Variants in SORCS1 observed in about 807,000 individuals in gnomAD.
SORCS1 encodes the protein VPS10 domain-containing receptor SorCS1.
SORCS1 carries 60 observed loss-of-function variants against 146.1 expected under a neutral mutation model. The observed-to-expected ratio is 0.41, with a 90% confidence interval of 0.33 to 0.51. The LOEUF (loss-of-function observed/expected upper bound fraction) is 0.51, where lower values mean the gene tolerates loss of function less well. Among genes scored for constraint, SORCS1 ranks in the 20% least tolerant of loss-of-function variants. SORCS1 has a pLI of 0.21. For synonymous variants in SORCS1, 637 were observed against 584.0 expected (o/e 1.09, Z -1.31); for missense variants, 1,352 against 1,487.6 (o/e 0.91, Z 1.50).
chr10:106,826,545 T>C (rs1020857797), intron 3 of SORCS1, among the ~76,000 whole-genome samples: 2 of 152,228 alleles, frequency 1.3e-5, no homozygotes, highest in Non-Finnish European at 2.9e-5. Flanking sequence ...GTTGTGCAAG[T>C]ACTATCTCTT....
chr10:106,983,277 T>C (rs1230849917), intron 1 of SORCS1, among the ~76,000 whole-genome samples: 2 of 148,970 alleles, frequency 1.3e-5, no homozygotes, highest in East Asian at 3.9e-4. Context: ...AATATACATA[T>C]ACATATTTCT....
intron 1 of SORCS1, among the ~76,000 whole-genome samples, chr10:106,959,195 C>G (rs1455725471): frequency 6.6e-6 from 1 of 152,144 alleles, no homozygotes; most frequent in Non-Finnish European, 1.5e-5. Flanking sequence ...CTCCCTGCCT[C>G]TTCTTGCAGG....
At chr10:106,922,858 T>C (rs1056099334) in intron 2 of SORCS1, among the ~76,000 whole-genome samples, 2 of 151,756 alleles carry the variant, frequency 1.3e-5, no homozygotes, top group Non-Finnish European at 2.9e-5. Context: ...CATCCCTCCC[T>C]TCCTGCAACC....
At chr10:106,957,358 G>C (rs984334037) in intron 1 of SORCS1, among the ~76,000 whole-genome samples, 3 of 151,834 alleles carry the variant, frequency 2.0e-5, no homozygotes, top group African/African-American at 7.3e-5. Context: ...CATTTTTAGA[G>C]ATGGGGTTTC....
At chr10:106,936,545 C>T (rs1414165825) in intron 2 of SORCS1, among the ~76,000 whole-genome samples, 1 of 152,186 alleles carries the variant, frequency 6.6e-6, no homozygotes, top group Non-Finnish European at 1.5e-5. Context: ...TCCTACTATT[C>T]ATCTGGAGCT....
At chr10:106,645,287 G>A (rs1014639767) in intron 18 of SORCS1, among the ~76,000 whole-genome samples, 9 of 151,760 alleles carry the variant, frequency 5.9e-5, no homozygotes, top group Admixed American at 5.9e-4. Context: ...TCCTGCCTCA[G>A]CTTCCCAAGT....
At chr10:106,937,378 A>C (rs1013883669) in intron 2 of SORCS1, among the ~76,000 whole-genome samples, 3 of 149,742 alleles carry the variant, frequency 2.0e-5, no homozygotes, top group Non-Finnish European at 4.4e-5. Context: ...GGGTTTCACC[A>C]TGTTGGCTAG....
At chr10:107,127,160 G>A (rs575780186) in intron 1 of SORCS1, among the ~76,000 whole-genome samples, 1 of 152,118 alleles carries the variant, frequency 6.6e-6, no homozygotes, top group Non-Finnish European at 1.5e-5. Context: ...TTTCAAGGAG[G>A]TTTGCTGATA....
chr10:106,791,677 G>A (rs898917139), intron 3 of SORCS1, among the ~76,000 whole-genome samples: 17 of 152,094 alleles, frequency 1.1e-4, no homozygotes, highest in African/African-American at 3.1e-4. Flanking sequence ...CCAGCCTGGC[G>A]ACAGAGCAAG....
At chr10:107,159,020 A>AG (rs1035932781) in intron 1 of SORCS1, among the ~76,000 whole-genome samples, 5 of 130,084 alleles carry the variant, frequency 3.8e-5, no homozygotes, top group East Asian at 2.6e-4. Flanking sequence ...TTGGGGGGGA[A>AG]GGGGGGTCCA....
At chr10:107,028,750 C>T (rs1179074268) in intron 1 of SORCS1, among the ~76,000 whole-genome samples, 1 of 152,140 alleles carries the variant, frequency 6.6e-6, no homozygotes, top group Non-Finnish European at 1.5e-5. Flanking sequence ...TGCTGGTGTA[C>T]CCCAAGGTTT....
At position 106,675,172 on chromosome 10, in the gene SORCS1, A is replaced by G. The variant is rs377757799; in HGVS notation, c.1833-16T>C. 5.7e-6 allele frequency: 9 copies of G among 1,581,010 alleles called. No individual in the cohort carries two copies. Among genetic ancestry groups the G allele is most frequent in the Non-Finnish European group, 7.8e-6 (9 of 1,151,148 alleles). On this transcript the variant is annotated splice_polypyrimidine_tract_variant and intron_variant, in intron 13 of 25. Transcript: ENST00000263054. ...AAAACTCAACCTAATGATATAAAAAATATCAGTCATCAGATCTCCAAAGGA... is the reference window on the plus strand; with the variant it reads ...AAAACTCAACCTAATGATATAAAAAGTATCAGTCATCAGATCTCCAAAGGA...
chr10:106,943,582 C>T (rs1044142927), intron 2 of SORCS1, among the ~76,000 whole-genome samples: 6 of 151,780 alleles, frequency 4.0e-5, no homozygotes, highest in East Asian at 1.9e-4. Flanking sequence ...CCGAGGTGGC[C>T]GGATCATGAG....
intron 1 of SORCS1, among the ~76,000 whole-genome samples, chr10:107,071,335 G>C (rs538222148): frequency 1.3e-5 from 2 of 151,570 alleles, no homozygotes; most frequent in African/African-American, 4.9e-5. Flanking sequence ...AAGCTTTTAC[G>C]GGCCAGGGCT....
chr10:106,675,965 T>A (rs1851994143), intron 13 of SORCS1, among the ~76,000 whole-genome samples: 1 of 152,176 alleles, frequency 6.6e-6, no homozygotes, highest in South Asian at 2.1e-4. Flanking sequence ...ATACTGGACA[T>A]CTCAACCTCC....
Position 107,016,511 on chromosome 10 carries a change from G to GA in SORCS1, c.559-59932dup, listed in dbSNP as rs200071132. ...CAGAACAAGACTCTGTCTCAAAAAA[G>GA]AAAAAAAAAATCAATTATAGGTCGA... is the stretch of plus-strand genomic sequence containing the variant. On this transcript the variant is annotated intron_variant, in intron 1 of 25. Transcript: ENST00000263054. Among the ~76,000 whole-genome samples, 1,229 of 147,508 alleles carry GA rather than the reference G, an allele frequency of 8.3e-3. 25 individuals carry two copies. The highest frequency in any genetic ancestry group is 0.028 in the African/African-American group (1,137 of 40,220).
upstream of SORCS1, among the ~76,000 whole-genome samples, chr10:107,165,441 C>T (rs1417974730): frequency 6.6e-6 from 1 of 152,028 alleles, no homozygotes; most frequent in African/African-American, 2.4e-5. This position sits in a 1 kb window ranked among gnomAD's most constrained non-coding sequence, Gnocchi z 4.0. Flanking sequence ...TAAGAAAACG[C>T]TTTCCACTAC....
At chr10:106,808,004 A>G (rs1291525688) in intron 3 of SORCS1, among the ~76,000 whole-genome samples, 2 of 152,152 alleles carry the variant, frequency 1.3e-5, no homozygotes, top group Non-Finnish European at 2.9e-5. Flanking sequence ...TCTACATGGT[A>G]TTAGTGACTC....
chr10:106,789,610 T>C (rs1946218714), intron 3 of SORCS1, among the ~76,000 whole-genome samples: 1 of 152,206 alleles, frequency 6.6e-6, no homozygotes, highest in South Asian at 2.1e-4. Flanking sequence ...CACCTCAGCC[T>C]GGACTTCACT....
Sources: gnomAD v4.1 joint callset for allele counts (sites outside exome capture counted in the v4.1 genomes callset) on GRCh38, gnomAD v4.1.1 for gene constraint, Gnocchi (gnomAD v3.1) non-coding constraint, MANE v1.5 for transcripts, NCBI Gene and HGNC (gene_info 2026-07-23, HGNC 2026-07-21) for gene names.